The following GBF1 variants were observed in gnomAD, a reference collection of about 807,000 sequenced individuals.
GBF1 encodes Golgi-specific brefeldin A-resistance guanine nucleotide exchange factor 1.
In GBF1, 114 loss-of-function variants were observed where a neutral mutation model predicts 210.5. The ratio of observed to expected loss-of-function variants is 0.54; its 90% CI spans 0.47 to 0.63. The LOEUF is 0.63. Ranked by LOEUF, GBF1 falls within the 30% of genes least tolerant of loss-of-function variation. The pLI, the probability that GBF1 is intolerant of heterozygous loss-of-function variation, is 0.00. For missense variants in GBF1, 1,851 were observed against 2,357.7 expected (o/e 0.79, Z 4.45); for synonymous variants, 850 against 889.2 (o/e 0.96, Z 0.78).
At chr10:102,368,597 A>G (rs2060035961) in intron 22 of GBF1, 142 bp from the exon 23 acceptor site, 1 of 801,424 alleles carries the variant, frequency 1.2e-6, no homozygotes, top group Non-Finnish European at 2.1e-6. Flanking sequence ...AAGCTTGGGT[A>G]GGCTCAGTCT....
intron 3 of GBF1, among the ~76,000 whole-genome samples, chr10:102,297,218 A>G (rs1340280319): frequency 6.6e-6 from 1 of 152,172 alleles, no homozygotes; most frequent in Non-Finnish European, 1.5e-5. Flanking sequence ...TTATTTTTAA[A>G]ATTTAATTCT....
At chr10:102,244,643 G>A (rs1009546813), upstream of GBF1, among the ~76,000 whole-genome samples, 50 of 152,276 alleles carry the variant, frequency 3.3e-4, no homozygotes, top group African/African-American at 1.1e-3. Flanking sequence ...ATTTAGCCTG[G>A]TGGATAAGGC....
At chr10:102,332,579 T>G (rs989654360) in intron 3 of GBF1, among the ~76,000 whole-genome samples, 1 of 152,112 alleles carries the variant, frequency 6.6e-6, no homozygotes, top group Non-Finnish European at 1.5e-5. Context: ...AGACAGTGTT[T>G]CACCATGTTG....
chr10:102,340,944 A>C (rs559834893), intron 3 of GBF1, among the ~76,000 whole-genome samples: 1 of 152,336 alleles, frequency 6.6e-6, no homozygotes, highest in South Asian at 2.1e-4. Context: ...AACACAATCC[A>C]TAAAATATTA....
intron 3 of GBF1, among the ~76,000 whole-genome samples, chr10:102,327,954 T>C (rs2057029642): frequency 6.6e-6 from 1 of 152,222 alleles, no homozygotes; most frequent in South Asian, 2.1e-4. Context: ...TCTTAAAGGT[T>C]CTGTCAGCAC....
At position 102,287,710 on chromosome 10, in the gene GBF1, T is replaced by C. The variant is rs188871970; in HGVS notation, c.163+27594T>C. Among the ~76,000 whole-genome samples the C allele has an allele frequency of 3.3e-5, 5 of 152,332 alleles. No homozygotes were observed. The East Asian group carries it at 9.6e-4, about 29-fold the overall frequency. The stretch of plus-strand genomic sequence containing the variant: ...CACAGCATGGAAACTAGATTCTCCA[T>C]AGGTGAATGATCTGAGAGAGAGCAG... On this transcript the variant is annotated intron_variant, in intron 3 of 39. Transcript: ENST00000369983.
At chr10:102,251,097 T>G (rs1361093614) in intron 1 of GBF1, among the ~76,000 whole-genome samples, 3 of 152,118 alleles carry the variant, frequency 2.0e-5, no homozygotes, top group Non-Finnish European at 4.4e-5. Context: ...AATTGACAGT[T>G]ACATTAAAAA....
chr10:102,251,171 G>A (rs534690968), intron 1 of GBF1, among the ~76,000 whole-genome samples: 47 of 152,248 alleles, frequency 3.1e-4, no homozygotes, highest in African/African-American at 1.1e-3. Flanking sequence ...GAAGATAGAC[G>A]TGAAAAAAGA....
chr10:102,369,410 T>C (rs1323019857), intron 24 of GBF1, 23 bp downstream of exon 24: 1 of 1,580,746 alleles, frequency 6.3e-7, no homozygotes, highest in Non-Finnish European at 8.7e-7. Flanking sequence ...AGGAGACTAG[T>C]GAGCGATAAC....
At chr10:102,253,708 T>G (rs1184337083) in intron 1 of GBF1, among the ~76,000 whole-genome samples, 1 of 152,032 alleles carries the variant, frequency 6.6e-6, no homozygotes, top group African/African-American at 2.4e-5. Flanking sequence ...GAGATGGAGT[T>G]TTGCTATGAT....
At chr10:102,357,961 T>C (rs1235952314) in intron 8 of GBF1, 78 bp from the exon 9 acceptor site, 16 of 963,016 alleles carry the variant, frequency 1.7e-5, no homozygotes, top group Non-Finnish European at 2.5e-5. Context: ...TAGAGATCAG[T>C]AGGACTAAAT....
intron 3 of GBF1, among the ~76,000 whole-genome samples, chr10:102,261,045 A>C (rs745926425): frequency 2.4e-4 from 36 of 152,194 alleles, no homozygotes; most frequent in Admixed American, 4.6e-4. Flanking sequence ...CATGGCAGCT[A>C]TTGTCCCCTT....
intron 3 of GBF1, among the ~76,000 whole-genome samples, chr10:102,275,221 C>T (rs1198167472): frequency 1.3e-5 from 2 of 152,024 alleles, no homozygotes; most frequent in African/African-American, 4.8e-5. Context: ...TTTTTTCCAG[C>T]CAGGGTCTAA....
chr10:102,254,078 A>G (rs1365855883), intron 1 of GBF1, among the ~76,000 whole-genome samples: 1 of 152,134 alleles, frequency 6.6e-6, no homozygotes, highest in Non-Finnish European at 1.5e-5. Context: ...ATGTGCCTCA[A>G]ATATTTTCTT....
At chr10:102,381,923 A>G in intron 39 of GBF1, 133 bp from the exon 40 acceptor site, 1 of 587,846 alleles carries the variant, frequency 1.7e-6, no homozygotes. Context: ...CCAACTTTTT[A>G]GGCTGGTGGG....
chr10:102,339,447 A>C (rs886331531), intron 3 of GBF1, among the ~76,000 whole-genome samples: 1 of 152,004 alleles, frequency 6.6e-6, no homozygotes, highest in Admixed American at 6.5e-5. Flanking sequence ...CGGACAGATC[A>C]CAGGGTCAAG....
Position 102,375,398 on chromosome 10 carries a change from A to G in GBF1, c.3700A>G (p.Ser1234Gly), listed in dbSNP as rs376923353. ...GCGCATTTTGCTACTGATGAAGCCC[A>G]GTGTGCTATCCCGAGTCAGCCACCA... ...SLRILLLMKP[S>G]VLSRVSHQVA... is the part of the protein sequence containing the mutation. The change falls in exon 30 of 40, where the codon AGT becomes GGT. Residue 1234 changes from serine (S) to glycine (G), a missense_variant. Ser to Gly is a moderately conservative substitution (Grantham distance 56). Coordinates refer to ENST00000369983, the MANE Select transcript of GBF1 (RefSeq NM_001377137.1). The G allele has an allele frequency of 1.3e-5, 21 of 1,613,784 alleles. No homozygotes were observed. The highest frequency in any genetic ancestry group is 1.8e-5 in the Non-Finnish European group (21 of 1,179,738).
chr10:102,243,786 G>A (rs1010633244), upstream of GBF1, among the ~76,000 whole-genome samples: 2 of 152,296 alleles, frequency 1.3e-5, no homozygotes, highest in Non-Finnish European at 2.9e-5. Context: ...TGCAGGTGTA[G>A]GAAGTTACTG....
chr10:102,319,003 G>C (rs2993089), intron 3 of GBF1, among the ~76,000 whole-genome samples: 51,985 of 151,884 alleles, frequency 0.34, 9,270 homozygotes, highest in South Asian at 0.48. Context: ...AGGAGGATCT[G>C]TTGAGGCCAG....
Sources: gnomAD v4.1 joint callset for allele counts (sites outside exome capture counted in the v4.1 genomes callset) on GRCh38, gnomAD v4.1.1 for gene constraint, MANE v1.5 for transcripts, NCBI Gene and HGNC (gene_info 2026-07-23, HGNC 2026-07-21) for gene names.